Variants in MICU1 observed in about 807,000 individuals in gnomAD.
MICU1 encodes the protein calcium uptake protein 1, mitochondrial.
In MICU1, 45 loss-of-function variants were observed where a neutral mutation model predicts 56.8. The observed-to-expected ratio is 0.79, with a 90% CI of 0.62 to 1.02. The LOEUF is 1.02. MICU1 is among the 50% of genes least tolerant of loss of function. The pLI, the probability that MICU1 is intolerant of heterozygous loss-of-function variation, is 0.00. For synonymous variants in MICU1, 186 were observed against 195.1 expected (o/e 0.95, Z 0.39); for missense variants, 504 against 587.1 (o/e 0.86, Z 1.46).
In MICU1 at chr10:72,523,018, AAAG is replaced by A. The variant is rs200576306; in HGVS notation, c.537+10725_537+10727del. On this transcript the variant is annotated intron_variant, in intron 5 of 11. Transcript: ENST00000361114. ...ACACTACCTTAAACAGTGAAAGTTT[AAAG>A]AAGACTGGTGCTGTTTTGTCACCTA... Among the ~76,000 whole-genome samples, 1,220 of 152,342 alleles carry A rather than the reference AAAG, an allele frequency of 8.0e-3. 15 individuals are homozygous for A. The highest frequency in any genetic ancestry group is 0.028 in the African/African-American group (1,149 of 41,570).
chr10:72,511,699 C>A (rs1232768490), intron 5 of MICU1, among the ~76,000 whole-genome samples: 1 of 152,072 alleles, frequency 6.6e-6, no homozygotes. Flanking sequence ...AAATGCAGTA[C>A]AAAAAAGGTC....
At chr10:72,479,822 C>T (rs893879608) in intron 6 of MICU1, among the ~76,000 whole-genome samples, 1 of 152,136 alleles carries the variant, frequency 6.6e-6, no homozygotes, top group African/African-American at 2.4e-5. Flanking sequence ...CCACAGCACC[C>T]GGCTGGTTTG....
intron 10 of MICU1, among the ~76,000 whole-genome samples, chr10:72,387,654 A>G (rs1306564055): frequency 6.6e-6 from 1 of 152,138 alleles, no homozygotes. Flanking sequence ...TAGAAGCTTC[A>G]ATCCTCATTA....
At chr10:72,448,165 A>T (rs11817738) in intron 8 of MICU1, among the ~76,000 whole-genome samples, 2 of 85,672 alleles carry the variant, frequency 2.3e-5, no homozygotes, top group African/African-American at 4.4e-5. Context: ...GTGTGTGTAT[A>T]TGTGTGTGTA....
At chr10:72,530,374 T>TAATAATAATAATGCC (rs1839445585) in intron 5 of MICU1, among the ~76,000 whole-genome samples, 1 of 148,546 alleles carries the variant, frequency 6.7e-6, no homozygotes, top group Non-Finnish European at 1.5e-5. Context: ...ATAATAATAA[T>TAATAATAATAATGCC]GCCAGAATAT....
intron 6 of MICU1, among the ~76,000 whole-genome samples, chr10:72,501,460 AC>A (rs1402707517): frequency 6.6e-6 from 1 of 152,122 alleles, no homozygotes; most frequent in African/African-American, 2.4e-5. Flanking sequence ...AATGAAAAAA[AC>A]AACATATGTT....
intron 8 of MICU1, among the ~76,000 whole-genome samples, chr10:72,437,832 C>A (rs1050605317): frequency 6.6e-6 from 1 of 152,184 alleles, no homozygotes; most frequent in Admixed American, 6.5e-5. Flanking sequence ...GGGATCAATT[C>A]AACAAGAAGA....
At chr10:72,617,729 G>A (rs758224328) in intron 1 of MICU1, among the ~76,000 whole-genome samples, 1 of 152,194 alleles carries the variant, frequency 6.6e-6, no homozygotes, top group Non-Finnish European at 1.5e-5. Flanking sequence ...CTGCTCAGGA[G>A]GTTGAGATGG....
chr10:72,374,684 C>G (rs1862456187), intron 11 of MICU1, among the ~76,000 whole-genome samples: 1 of 151,800 alleles, frequency 6.6e-6, no homozygotes, highest in African/African-American at 2.4e-5. Flanking sequence ...ATTAGCCCAG[C>G]TTTCTGGAGG....
chr10:72,546,396 A>G (rs776723152), intron 4 of MICU1, among the ~76,000 whole-genome samples: 3 of 152,196 alleles, frequency 2.0e-5, no homozygotes, highest in Non-Finnish European at 2.9e-5. Flanking sequence ...GTTGTAGCCA[A>G]TTATTCAAAT....
intron 8 of MICU1, among the ~76,000 whole-genome samples, chr10:72,444,504 C>T (rs957394535): frequency 7.5e-6 from 1 of 132,558 alleles, no homozygotes; most frequent in African/African-American, 3.0e-5. Flanking sequence ...GGCTGGAGTG[C>T]AGTGGTGCAA....
chr10:72,372,650 C>T (rs1025253580), intron 11 of MICU1, among the ~76,000 whole-genome samples: 7 of 151,814 alleles, frequency 4.6e-5, no homozygotes, highest in Non-Finnish European at 1.0e-4. Context: ...ACCAGCCTGG[C>T]CAACAGGGTG....
chr10:72,469,540 T>A (rs1865889666), intron 8 of MICU1, among the ~76,000 whole-genome samples: 1 of 152,224 alleles, frequency 6.6e-6, no homozygotes. Flanking sequence ...ATTTTCCAGA[T>A]GTTTTATCAG....
chr10:72,546,882 C>T (rs938727259), intron 4 of MICU1, among the ~76,000 whole-genome samples: 11 of 151,228 alleles, frequency 7.3e-5, no homozygotes, highest in African/African-American at 1.9e-4. Flanking sequence ...CAAGCCACCA[C>T]GCTCGTCTAA....
At position 72,389,678 on chromosome 10, in the gene MICU1, C is replaced by T. The variant is rs191868542; in HGVS notation, c.1181-13806G>A. 4.3e-4 allele frequency among the ~76,000 whole-genome samples: 66 copies of T among 152,216 alleles called. 1 individual carries two copies. The highest frequency in any genetic ancestry group is 1.0e-4 in the Non-Finnish European group (7 of 68,018). On this transcript the variant is annotated intron_variant, in intron 10 of 11. Coordinates refer to ENST00000361114, the MANE Select transcript of MICU1 (RefSeq NM_001195518.2). ...AAGTACACCGAGGACGTAACTGAAC[C>T]CACAGGTTTACTGCATCTGTACTAT...
In MICU1 at chr10:72,588,607, G is replaced by A. The variant is rs116565018; in HGVS notation, c.-1-21813C>T. 2.1e-3 allele frequency among the ~76,000 whole-genome samples: 319 copies of A among 152,292 alleles called. 1 individual carries two copies. Among genetic ancestry groups the A allele is most frequent in the African/African-American group, 6.9e-3 (285 of 41,552 alleles). ...TCAGTTAGACATAAAAATTGGTAAA[G>A]AGGAAGTAAAACTATTTCTATTCGA... On this transcript the variant is annotated intron_variant, in intron 1 of 11. Transcript: ENST00000361114.
chr10:72,438,312 G>A (rs561724575), intron 8 of MICU1, among the ~76,000 whole-genome samples: 11 of 152,280 alleles, frequency 7.2e-5, no homozygotes, highest in South Asian at 4.1e-4. Context: ...GGTAAATAAC[G>A]AAATGAAGGC....
chr10:72,583,385 A>G (rs1206340971), intron 1 of MICU1, among the ~76,000 whole-genome samples: 1 of 151,066 alleles, frequency 6.6e-6, no homozygotes, highest in African/African-American at 2.4e-5. Flanking sequence ...GGTTCAAGCG[A>G]TTCTCCTGCC....
intron 5 of MICU1, among the ~76,000 whole-genome samples, chr10:72,519,777 A>G (rs796326802): frequency 1.3e-5 from 2 of 152,328 alleles, no homozygotes; most frequent in South Asian, 2.1e-4. Flanking sequence ...ACATATCTAG[A>G]AACTTATTTC....
Sources: gnomAD v4.1 joint callset for allele counts (sites outside exome capture counted in the v4.1 genomes callset) on GRCh38, gnomAD v4.1.1 for gene constraint, MANE v1.5 for transcripts, NCBI Gene and HGNC (gene_info 2026-07-23, HGNC 2026-07-21) for gene names.